Variants in APOBEC3H observed in about 807,000 individuals in gnomAD.
The protein encoded by APOBEC3H is apolipoprotein B mRNA editing enzyme catalytic subunit 3H, also known as DNA dC->dU-editing enzyme APOBEC-3H.
Under a neutral mutation model 21.2 loss-of-function variants are expected in APOBEC3H, and 8 were observed. That is an observed-to-expected ratio of 0.38 (90% confidence interval 0.22 to 0.68). The LOEUF is 0.68. APOBEC3H is among the 30% of genes least tolerant of loss of function. The pLI is 0.52. For synonymous variants in APOBEC3H, 88 were observed against 91.0 expected, an observed-to-expected ratio of 0.97 and a Z score of 0.19; for missense variants, 229 against 228.1, an observed-to-expected ratio of 1.00 and a Z score of -0.03.
intron 4 of APOBEC3H, chr22:39,102,542 A>G (rs765419030): frequency 8.4e-6 from 6 of 718,448 alleles, no homozygotes; most frequent in South Asian, 3.0e-5. Flanking sequence ...GGGTCGTTAC[A>G]TGGATATATT....
chr22:39,101,826 A>G (rs1929372684), intron 3 of APOBEC3H, 92 bp from the exon 4 acceptor site: 1 of 1,584,246 alleles, frequency 6.3e-7, no homozygotes, highest in Non-Finnish European at 8.7e-7. Flanking sequence ...ATGTCCAGGG[A>G]GAGGAAGAGA....
chr22:39,103,773 T>C lies in APOBEC3H; in HGVS notation c.*76T>C. ...ATCCCACTCATTATCAAGAAGCAAC[T>C]CAAGATGACTTTCCCTGGGGCATGT... On this transcript the variant is annotated 3_prime_UTR_variant, in exon 5 of 5. Coordinates refer to ENST00000442487, the MANE Select transcript of APOBEC3H (RefSeq NM_181773.5). The C allele has an allele frequency of 6.4e-7, 1 of 1,566,210 alleles. No homozygotes were observed. Among genetic ancestry groups the C allele is most frequent in the Non-Finnish European group, 8.8e-7 (1 of 1,136,670 alleles).
chr22:39,099,880 G>A (rs1385387748), intron 1 of APOBEC3H, among the ~76,000 whole-genome samples: 1 of 152,150 alleles, frequency 6.6e-6, no homozygotes, highest in Non-Finnish European at 1.5e-5. Context: ...TGAACAGAAA[G>A]GGTTGGGTTT....
chr22:39,101,647 GGGTTGGAGGAGGT>G lies in APOBEC3H; in HGVS notation c.418+144_418+156del. On this transcript the variant is annotated intron_variant, in intron 3 of 4. Coordinates refer to ENST00000442487, the MANE Select transcript of APOBEC3H (RefSeq NM_181773.5). ...GAGGAGGTTGGCGGGGGGTGGGGGC[GGGTTGGAGGAGGT>G]TGGCGGGGGGCGGGGGCGGGTTGGA... The G allele has an allele frequency of 1.6e-4, 18 of 115,172 alleles. 1 individual carries two copies. The highest frequency in any genetic ancestry group is 4.6e-4 in the South Asian group (7 of 15,346). The allele number at this position is 115,172 out of a possible 1,614,324, so 7.1% of individuals were successfully genotyped here.
Position 39,100,386 on chromosome 22 carries a change from G to A in APOBEC3H, c.108G>A (p.Pro36=), listed in dbSNP as rs1261730484. ...CCCTCTTGTGTTACCAGCTGACGCC[G>A]CAGAATGGCTCCACGCCCACGAGAG... ...RKALLCYQLT[P]QNGSTPTRGY... Residue 36 remains proline (P), a synonymous_variant, in exon 2 of 5, where the codon CCG becomes CCA. Coordinates refer to ENST00000442487, the MANE Select transcript of APOBEC3H (RefSeq NM_181773.5). The A allele has an allele frequency of 1.4e-5, 22 of 1,613,982 alleles. No homozygotes were observed. Among genetic ancestry groups the A allele is most frequent in the African/African-American group, 4.0e-5 (3 of 74,928 alleles).
intron 4 of APOBEC3H, 147 bp from the exon 5 acceptor site, chr22:39,103,542 C>A: frequency 1.3e-6 from 1 of 784,342 alleles, no homozygotes; most frequent in South Asian, 1.4e-5. Context: ...ATGCTCTTGT[C>A]ACCTCCGTGT....
chr22:39,102,563 G>A lies in APOBEC3H; in HGVS notation c.543+521G>A, dbSNP rs1431539199. 8 of 718,260 alleles carry A rather than the reference G, an allele frequency of 1.1e-5. No homozygotes were observed. In the South Asian group the frequency reaches 1.2e-4, roughly 11 times the overall value. 44.5% of individuals were successfully genotyped at this position (718,260 alleles called of 1,614,324 possible). ...TTACATGGATATATTGTGTGATGCT[G>A]AGGTCTGAGTCACCCAATCTACTGG... On this transcript the variant is annotated intron_variant, in intron 4 of 4. Coordinates refer to ENST00000442487, the MANE Select transcript of APOBEC3H (RefSeq NM_181773.5).
intron 4 of APOBEC3H, among the ~76,000 whole-genome samples, chr22:39,103,180 C>T (rs564850221): frequency 2.0e-5 from 3 of 149,448 alleles, no homozygotes; most frequent in South Asian, 2.1e-4. Flanking sequence ...CCCAGCCATT[C>T]GGGAGGGTGA....
At position 39,103,968 on chromosome 22, in the gene APOBEC3H, TAA is replaced by T. The variant is rs1056184583; in HGVS notation, c.*273_*274del. On this transcript the variant is annotated 3_prime_UTR_variant, in exon 5 of 5. Coordinates refer to ENST00000442487, the MANE Select transcript of APOBEC3H (RefSeq NM_181773.5). ...AATTTTATAATTGAAAAAATAAAGA[TAA>T]AGTCTGTAAATCCAGCCGGGTACGG... 22 of 538,836 alleles carry T rather than the reference TAA, an allele frequency of 4.1e-5. No individual in the cohort carries two copies. The highest frequency in any genetic ancestry group is 3.8e-4 in the African/African-American group (20 of 52,792). The allele number at this position is 538,836 out of a possible 1,614,324, so 33.4% of individuals were successfully genotyped here. A position where few individuals can be genotyped will look rare whatever the true frequency, so the allele number is the denominator to read the frequency against.
Position 39,100,266 on chromosome 22 carries a change from G to T in APOBEC3H, c.-7-6G>T. 1 of 1,608,160 alleles carries T rather than the reference G, an allele frequency of 6.2e-7. No individual in the cohort carries two copies. Among genetic ancestry groups the T allele is most frequent in the South Asian group, 1.1e-5 (1 of 90,968 alleles). On this transcript the variant is annotated splice_region_variant and splice_polypyrimidine_tract_variant and intron_variant, in intron 1 of 4. Transcript: ENST00000442487. The stretch of plus-strand genomic sequence containing the variant: ...CATCTTTGGTTTTCCCCTTTCTGTT[G>T]CACAGAAACACGATGGCTCTGTTAA...
chr22:39,097,544 C>T (rs553150913), intron 1 of APOBEC3H, among the ~76,000 whole-genome samples: 2 of 152,326 alleles, frequency 1.3e-5, no homozygotes, highest in South Asian at 4.1e-4. Context: ...AACGGGCCGC[C>T]TCCCCGGCCT....
At position 39,100,397 on chromosome 22, in the gene APOBEC3H, C is replaced by T. The variant is rs150949141; in HGVS notation, c.119C>T (p.Ser40Phe). 9.9e-6 allele frequency: 16 copies of T among 1,614,102 alleles called. No homozygotes were observed. In the African/African-American group the frequency reaches 1.3e-4, roughly 13 times the overall value. The change falls in exon 2 of 5, where the codon TCC (serine) becomes TTC (phenylalanine). Residue 40 changes from serine to phenylalanine, a missense_variant. Coordinates refer to ENST00000442487, the MANE Select transcript of APOBEC3H (RefSeq NM_181773.5). Reference protein sequence around the residue: ...LCYQLTPQNGSTPTRGYFENK... With the variant: ...LCYQLTPQNGFTPTRGYFENK... ...TACCAGCTGACGCCGCAGAATGGCT[C>T]CACGCCCACGAGAGGCTACTTTGAA...
chr22:39,100,306 C>A lies in APOBEC3H; in HGVS notation c.28C>A (p.Arg10Ser), dbSNP rs767346992. MALLTAETF[R>S]LQFNNKRRLR... ...GGCTCTGTTAACAGCCGAAACATTC[C>A]GCTTACAGTTTAACAACAAGCGCCG... The change falls in exon 2 of 5, where the codon CGC becomes AGC. Residue 10 changes from arginine (R) to serine (S), a missense_variant. Transcript: ENST00000442487. 4 of 1,605,272 alleles carry A rather than the reference C, an allele frequency of 2.5e-6. No individual in the cohort carries two copies. In the African/African-American group the frequency reaches 4.1e-5, roughly 17 times the overall value.
intron 1 of APOBEC3H, among the ~76,000 whole-genome samples, chr22:39,100,060 C>T (rs1929209847): frequency 6.6e-6 from 1 of 152,186 alleles, no homozygotes. Flanking sequence ...GTAATCCCAG[C>T]TACTTGGGAG....
rs778667044 is a variant in APOBEC3H, at chr22:39,101,915, C to CA, written c.419-2dup. 1 of 1,613,906 alleles carries CA rather than the reference C, an allele frequency of 6.2e-7. No individual in the cohort carries two copies. The highest frequency in any genetic ancestry group is 8.5e-7 in the Non-Finnish European group (1 of 1,179,924). On this transcript the variant is annotated splice_polypyrimidine_tract_variant and splice_region_variant and intron_variant, in intron 3 of 4. Coordinates refer to ENST00000442487, the MANE Select transcript of APOBEC3H (RefSeq NM_181773.5). Reference sequence around the variant, plus strand: ...CCTGGCTGGTTTCCCTCTTCCCTCTCAGAGTTTGCTGACTGCTGGGAAAAC... The same window carrying CA: ...CCTGGCTGGTTTCCCTCTTCCCTCTCAAGAGTTTGCTGACTGCTGGGAAAAC...
chr22:39,100,661 CT>C, intron 2 of APOBEC3H: 1 of 532,208 alleles, frequency 1.9e-6, no homozygotes, highest in East Asian at 3.0e-5. Flanking sequence ...GAGGCCAACC[CT>C]TCTGTAGAAT....
chr22:39,100,027 G>A (rs2146316444), intron 1 of APOBEC3H, among the ~76,000 whole-genome samples: 1 of 152,320 alleles, frequency 6.6e-6, no homozygotes, highest in South Asian at 2.1e-4. Context: ...ACAAAAATTA[G>A]CCAGGCGTGG....
At chr22:39,097,774 G>A (rs1929087159) in intron 1 of APOBEC3H, among the ~76,000 whole-genome samples, 1 of 152,176 alleles carries the variant, frequency 6.6e-6, no homozygotes, top group Admixed American at 6.5e-5. Flanking sequence ...CAAAGTCTTA[G>A]GAGAGGGTGT....
At position 39,103,758 on chromosome 22, in the gene APOBEC3H, T is replaced by C. The variant is rs139316; in HGVS notation, c.*61T>C. On this transcript the variant is annotated 3_prime_UTR_variant, in exon 5 of 5. Transcript: ENST00000442487. ...GCAGCTTGGACCCGTATCCCACTCATTATCAAGAAGCAACTCAAGATGACT... is the reference window on the plus strand; with the variant it reads ...GCAGCTTGGACCCGTATCCCACTCACTATCAAGAAGCAACTCAAGATGACT... 750,032 of 1,595,670 alleles carry C rather than the reference T, an allele frequency of 0.47. 182,067 individuals are homozygous for C. The highest frequency in any genetic ancestry group is 0.77 in the African/African-American group (56,998 of 74,490).
Sources: allele counts gnomAD v4.1 joint callset (sites outside exome capture counted in the v4.1 genomes callset), GRCh38; gene constraint gnomAD v4.1.1; transcripts MANE v1.5; gene names NCBI Gene and HGNC (gene_info 2026-07-23, HGNC 2026-07-21).